GRM8: variants seen among roughly 807,000 people sequenced by gnomAD.
The protein encoded by GRM8 is metabotropic glutamate receptor 8.
Under a neutral mutation model 87.2 loss-of-function variants are expected in GRM8, and 47 were observed. That is an observed-to-expected ratio of 0.54 (90% CI 0.43 to 0.69). The LOEUF (loss-of-function observed/expected upper bound fraction) is 0.69. Among genes scored for constraint, GRM8 ranks in the 30% least tolerant of loss-of-function variants. GRM8 has a pLI of 0.00. For synonymous variants in GRM8, 396 were observed against 404.5 expected (o/e 0.98, Z 0.25); for missense variants, 1,019 against 1,139.2 (o/e 0.89, Z 1.52).
At chr7:126,569,123 T>C (rs775923149) in intron 8 of GRM8, among the ~76,000 whole-genome samples, 33 of 152,170 alleles carry the variant, frequency 2.2e-4, no homozygotes, top group Non-Finnish European at 3.7e-4. Context: ...CCCCAAAGTT[T>C]AGCTGCTCCA....
At chr7:126,697,043 A>T (rs977872678) in intron 7 of GRM8, among the ~76,000 whole-genome samples, 63 of 145,710 alleles carry the variant, frequency 4.3e-4, no homozygotes, top group African/African-American at 1.6e-3. Context: ...TTCAGCCTTT[A>T]AAAAAAAAAA....
intron 3 of GRM8, among the ~76,000 whole-genome samples, chr7:126,987,752 G>C (rs371338150): frequency 1.3e-5 from 2 of 151,992 alleles, no homozygotes; most frequent in Non-Finnish European, 1.5e-5. Context: ...CGTGAGCCAC[G>C]GCGCCCGGCC....
chr7:127,252,337 T>A lies in GRM8; in HGVS notation c.-312+460A>T, dbSNP rs1798920490. ...GATCACATCTCCAAGCCTTGGGAGT[T>A]CCGGGTAAAGTCTCCCTCTTTTCTG... On this transcript the variant is annotated intron_variant, in intron 1 of 10. Coordinates refer to ENST00000339582, the MANE Select transcript of GRM8 (RefSeq NM_000845.3). The surrounding 1 kb of genome is among the most constrained non-coding windows in gnomAD (Gnocchi z 4.9). 6.6e-6 allele frequency: 1 copy of A among 152,226 alleles called. No individual in the cohort carries two copies. The highest frequency in any genetic ancestry group is 2.4e-5 in the African/African-American group (1 of 41,444). The allele number at this position is 152,226 out of a possible 1,614,324, so 9.4% of individuals were successfully genotyped here. A position where few individuals can be genotyped will look rare whatever the true frequency, so the allele number is the denominator to read the frequency against.
intron 9 of GRM8, among the ~76,000 whole-genome samples, chr7:126,501,094 C>A (rs957638576): frequency 2.6e-5 from 4 of 151,906 alleles, no homozygotes; most frequent in Admixed American, 2.6e-4. Flanking sequence ...ATACTCATAT[C>A]ATGTATTTTA....
At chr7:127,082,190 TTTAA>T (rs1822944433) in intron 3 of GRM8, 1 of 152,222 alleles carries the variant, frequency 6.6e-6, no homozygotes, top group Admixed American at 6.5e-5. Flanking sequence ...AACATTTTTA[TTTAA>T]TTAAAAAATA....
At chr7:126,471,401 C>A (rs375886870) in intron 9 of GRM8, among the ~76,000 whole-genome samples, 2 of 151,976 alleles carry the variant, frequency 1.3e-5, no homozygotes, top group African/African-American at 4.8e-5. Context: ...TTTCAGCTTT[C>A]TATGTATGGC....
At chr7:126,815,481 T>G (rs543503551) in intron 6 of GRM8, among the ~76,000 whole-genome samples, 1 of 152,250 alleles carries the variant, frequency 6.6e-6, no homozygotes, top group Admixed American at 6.5e-5. Context: ...GTAATACACA[T>G]CAGTCTTAAC....
chr7:126,444,943 A>G (rs1190728240), intron 10 of GRM8, among the ~76,000 whole-genome samples: 3 of 151,750 alleles, frequency 2.0e-5, no homozygotes, highest in Non-Finnish European at 4.4e-5. Context: ...CCTAGGAGTT[A>G]GAGACCAGCC....
chr7:127,159,135 G>A (rs1010662287), intron 2 of GRM8, among the ~76,000 whole-genome samples: 2 of 152,198 alleles, frequency 1.3e-5, no homozygotes, highest in Non-Finnish European at 2.9e-5. Context: ...AAACAAAAAC[G>A]AAGGCTTTGA....
At chr7:127,006,834 C>T (rs139183531) in intron 3 of GRM8, among the ~76,000 whole-genome samples, 171 of 152,100 alleles carry the variant, frequency 1.1e-3, no homozygotes, top group African/African-American at 4.0e-3. Flanking sequence ...TATACGCATC[C>T]CCTATTTGAT....
Position 126,860,050 on chromosome 7 carries a change from C to T in GRM8, c.1156+42492G>A, listed in dbSNP as rs556665646. Reference sequence around the variant, plus strand: ...AAGTTATCACATTTAACTATAAAAACAATCCAGTAAGACTGTGAGTCCCAT... The same window carrying T: ...AAGTTATCACATTTAACTATAAAAATAATCCAGTAAGACTGTGAGTCCCAT... On this transcript the variant is annotated intron_variant, in intron 6 of 10. Transcript: ENST00000339582. Among the ~76,000 whole-genome samples the T allele has an allele frequency of 7.2e-5, 11 of 152,248 alleles. No individual in the cohort carries two copies. In the South Asian group the frequency reaches 2.1e-3, roughly 29 times the overall value.
intron 3 of GRM8, among the ~76,000 whole-genome samples, chr7:127,038,906 T>C (rs377664275): frequency 6.6e-6 from 1 of 152,140 alleles, no homozygotes; most frequent in Non-Finnish European, 1.5e-5. Flanking sequence ...TTATAACATA[T>C]AAAGTGAAAT....
At chr7:126,448,815 T>C (rs1288670936) in intron 9 of GRM8, among the ~76,000 whole-genome samples, 2 of 151,812 alleles carry the variant, frequency 1.3e-5, no homozygotes, top group Admixed American at 1.3e-4. Context: ...TGTTCTCACT[T>C]ATAAGTGGGA....
chr7:127,095,289 C>A (rs970056097), intron 3 of GRM8, among the ~76,000 whole-genome samples: 47 of 151,808 alleles, frequency 3.1e-4, no homozygotes, highest in East Asian at 3.9e-4. Context: ...CAAACCCTGG[C>A]AACTTGTGGG....
At chr7:126,504,773 CT>C (rs1810186902) in intron 9 of GRM8, among the ~76,000 whole-genome samples, 1 of 151,978 alleles carries the variant, frequency 6.6e-6, no homozygotes, top group African/African-American at 2.4e-5. Context: ...TTGATTGCCC[CT>C]GAATATTTTT....
At chr7:126,750,602 T>G (rs111646690) in intron 7 of GRM8, among the ~76,000 whole-genome samples, 3,047 of 152,014 alleles carry the variant, frequency 0.02, 95 homozygotes, top group African/African-American at 0.069. Context: ...TAATAAACTT[T>G]CAAAAGATTT....
intron 3 of GRM8, among the ~76,000 whole-genome samples, chr7:127,095,295 G>C (rs1220438687): frequency 6.6e-6 from 1 of 152,044 alleles, no homozygotes; most frequent in Non-Finnish European, 1.5e-5. Context: ...CTGGCAACTT[G>C]TGGGTTGATG....
At chr7:126,557,776 T>C (rs776025750) in intron 8 of GRM8, among the ~76,000 whole-genome samples, 1 of 152,144 alleles carries the variant, frequency 6.6e-6, no homozygotes, top group African/African-American at 2.4e-5. Context: ...TATGACAAAG[T>C]ACGTATATAT....
chr7:127,132,472 T>G (rs969839823), intron 2 of GRM8, among the ~76,000 whole-genome samples: 11 of 152,138 alleles, frequency 7.2e-5, no homozygotes, highest in African/African-American at 2.4e-4. Context: ...TTCTGCTCAG[T>G]GCTAGAGACA....
Sources: gnomAD v4.1 joint callset for allele counts (sites outside exome capture counted in the v4.1 genomes callset) on GRCh38, gnomAD v4.1.1 for gene constraint, Gnocchi (gnomAD v3.1) non-coding constraint, MANE v1.5 for transcripts, NCBI Gene and HGNC (gene_info 2026-07-23, HGNC 2026-07-21) for gene names.